The following PTPRO variants were observed in gnomAD, a reference collection of about 807,000 sequenced individuals.
PTPRO encodes receptor-type tyrosine-protein phosphatase O.
PTPRO carries 62 observed loss-of-function variants against 145.2 expected under a neutral mutation model. That is an observed-to-expected ratio of 0.43 (90% confidence interval 0.35 to 0.53). PTPRO has a LOEUF of 0.53. Ranked by LOEUF, PTPRO falls within the 20% of genes least tolerant of loss-of-function variation. The pLI, the probability that PTPRO is intolerant of heterozygous loss-of-function variation, is 0.01. For missense variants in PTPRO, 1,345 were observed against 1,482.7 expected (o/e 0.91, Z 1.53); for synonymous variants, 565 against 514.7 (o/e 1.10, Z -1.32).
intron 9 of PTPRO, among the ~76,000 whole-genome samples, chr12:15,518,171 A>T (rs1203362576): frequency 6.6e-6 from 1 of 152,146 alleles, no homozygotes; most frequent in Non-Finnish European, 1.5e-5. Context: ...CAGTCTCAAC[A>T]CCACGTGGAA....
intron 1 of PTPRO, among the ~76,000 whole-genome samples, chr12:15,350,753 C>A (rs2136230616): frequency 6.6e-6 from 1 of 152,326 alleles, no homozygotes; most frequent in South Asian, 2.1e-4. Context: ...AAGAGATTTT[C>A]ACCATTGCAG....
chr12:15,446,007 T>C (rs935299931), intron 1 of PTPRO, among the ~76,000 whole-genome samples: 3 of 152,144 alleles, frequency 2.0e-5, no homozygotes, highest in Non-Finnish European at 4.4e-5. Context: ...AGCATATTGA[T>C]TAAAAATATT....
At chr12:15,360,532 T>C (rs564113496) in intron 1 of PTPRO, among the ~76,000 whole-genome samples, 16 of 152,070 alleles carry the variant, frequency 1.1e-4, no homozygotes, top group African/African-American at 3.4e-4. Flanking sequence ...GAATAATGCA[T>C]AGGGACTCAG....
chr12:15,580,552 A>T, intron 21 of PTPRO, 145 bp from the exon 22 acceptor site: 1 of 920,804 alleles, frequency 1.1e-6, no homozygotes, highest in Non-Finnish European at 1.7e-6. Context: ...CTCTTTGATT[A>T]AAACAGGAGA....
intron 1 of PTPRO, among the ~76,000 whole-genome samples, chr12:15,409,537 T>G (rs1939736925): frequency 6.6e-6 from 1 of 152,190 alleles, no homozygotes; most frequent in Non-Finnish European, 1.5e-5. Context: ...AGGCTATTCT[T>G]ACATTGCTAT....
intron 3 of PTPRO, 68 bp downstream of exon 3, chr12:15,497,471 G>A (rs1022144797): frequency 7.3e-6 from 11 of 1,499,366 alleles, no homozygotes; most frequent in African/African-American, 5.5e-5. Flanking sequence ...CCCAAATGAT[G>A]TTCTCTCTTA....
chr12:15,324,158 A>T (rs542965275), intron 1 of PTPRO, among the ~76,000 whole-genome samples: 1 of 152,176 alleles, frequency 6.6e-6, no homozygotes, highest in African/African-American at 2.4e-5. Context: ...TCGTTTTCTA[A>T]CTATTTATCA....
At chr12:15,595,294 C>T (rs1944637171) in intron 26 of PTPRO, 1 of 489,228 alleles carries the variant, frequency 2.0e-6, no homozygotes, top group East Asian at 3.9e-5. Flanking sequence ...TTCTGCACAT[C>T]ATGATGACTT....
chr12:15,451,316 C>T (rs1941040279), intron 1 of PTPRO, among the ~76,000 whole-genome samples: 1 of 151,902 alleles, frequency 6.6e-6, no homozygotes, highest in Non-Finnish European at 1.5e-5. Context: ...TATATATGCA[C>T]CTAACACTGG....
intron 1 of PTPRO, among the ~76,000 whole-genome samples, chr12:15,417,444 A>C (rs995853048): frequency 1.1e-4 from 17 of 151,758 alleles, no homozygotes; most frequent in African/African-American, 3.2e-4. Flanking sequence ...GTCTTTATGA[A>C]AATAGCAAAA....
intron 5 of PTPRO, 123 bp downstream of exon 5, chr12:15,502,186 T>A: frequency 1.0e-6 from 1 of 981,436 alleles, no homozygotes; most frequent in Non-Finnish European, 1.5e-6. Flanking sequence ...ATAATGGTAA[T>A]GAAAGGGGAG....
intron 1 of PTPRO, among the ~76,000 whole-genome samples, chr12:15,360,754 G>GTATATGTGTGTATATATACGTGTGTA (rs1464589572): frequency 6.9e-6 from 1 of 144,924 alleles, no homozygotes; most frequent in Admixed American, 7.0e-5. Context: ...CTATGTGTGT[G>GTATATGTGTGTATATATACGTGTGTA]TATATGTGTG....
At chr12:15,516,244 C>T in intron 8 of PTPRO, among the ~76,000 whole-genome samples, 1 of 149,118 alleles carries the variant, frequency 6.7e-6, no homozygotes, top group African/African-American at 2.4e-5. Flanking sequence ...ACCTTGGCTT[C>T]CCAAAGTGCT....
At chr12:15,476,764 T>A (rs1941664207) in intron 1 of PTPRO, among the ~76,000 whole-genome samples, 1 of 151,630 alleles carries the variant, frequency 6.6e-6, no homozygotes, top group Admixed American at 6.6e-5. Flanking sequence ...TCATCATCAC[T>A]GGCCATCAGA....
At chr12:15,341,284 G>GA (rs1329519603) in intron 1 of PTPRO, among the ~76,000 whole-genome samples, 1 of 151,926 alleles carries the variant, frequency 6.6e-6, no homozygotes, top group Non-Finnish European at 1.5e-5. Context: ...CTTTGCATTT[G>GA]AAAGTTATAA....
At chr12:15,535,510 G>A (rs1236286421) in intron 12 of PTPRO, among the ~76,000 whole-genome samples, 3 of 152,206 alleles carry the variant, frequency 2.0e-5, no homozygotes, top group Non-Finnish European at 4.4e-5. Flanking sequence ...GTTCGGGCAC[G>A]TTCGAGATAA....
At chr12:15,454,058 C>T (rs1473166060) in intron 1 of PTPRO, among the ~76,000 whole-genome samples, 1 of 152,092 alleles carries the variant, frequency 6.6e-6, no homozygotes, top group African/African-American at 2.4e-5. Context: ...AATATTTCTT[C>T]AAGATCCTGA....
intron 1 of PTPRO, chr12:15,440,081 C>A: frequency 1.6e-6 from 1 of 632,118 alleles, no homozygotes; most frequent in Non-Finnish European, 2.9e-6. Flanking sequence ...GGTGACAGAC[C>A]GCTGCAGCTC....
intron 1 of PTPRO, among the ~76,000 whole-genome samples, chr12:15,455,692 G>C (rs1022999746): frequency 1.3e-5 from 2 of 152,090 alleles, no homozygotes; most frequent in African/African-American, 4.8e-5. Flanking sequence ...AGCTGATTTT[G>C]TATGTTGATT....
Sources: gnomAD v4.1 joint callset for allele counts (sites outside exome capture counted in the v4.1 genomes callset) on GRCh38, gnomAD v4.1.1 for gene constraint, MANE v1.5 for transcripts, NCBI Gene and HGNC (gene_info 2026-07-23, HGNC 2026-07-21) for gene names.